Variants in LEKR1 observed in about 807,000 individuals in gnomAD.
LEKR1 encodes the protein protein LEKR1.
In LEKR1, 59 loss-of-function variants were observed where a neutral mutation model predicts 72.4. The ratio of observed to expected loss-of-function variants is 0.82; its 90% CI spans 0.66 to 1.01. The LOEUF (loss-of-function observed/expected upper bound fraction) is 1.01, where lower values mean the gene tolerates loss of function less well. Ranked by LOEUF, LEKR1 falls within the 50% of genes least tolerant of loss-of-function variation. The pLI is 0.00. For missense variants in LEKR1, 728 were observed against 759.2 expected, an observed-to-expected ratio of 0.96 and a Z score of 0.48; for synonymous variants, 257 against 263.2, an observed-to-expected ratio of 0.98 and a Z score of 0.23.
At chr3:156,879,070 G>C (rs1718969107) in intron 3 of LEKR1, among the ~76,000 whole-genome samples, 1 of 152,144 alleles carries the variant, frequency 6.6e-6, no homozygotes, top group Admixed American at 6.5e-5. Flanking sequence ...GTGGGTCACT[G>C]CTGTAAAGAT....
chr3:156,830,718 G>A (rs1269870082), intron 2 of LEKR1, among the ~76,000 whole-genome samples: 1 of 152,084 alleles, frequency 6.6e-6, no homozygotes, highest in African/African-American at 2.4e-5. Flanking sequence ...AGAGAGTGGT[G>A]AAAAGTCTCG....
chr3:156,867,372 C>G (rs1717428720), intron 3 of LEKR1, among the ~76,000 whole-genome samples: 1 of 152,026 alleles, frequency 6.6e-6, no homozygotes, highest in South Asian at 2.1e-4. Flanking sequence ...GAAAATAACT[C>G]ATTTCTATAT....
At chr3:156,930,016 A>G (rs1258225041) in intron 5 of LEKR1, among the ~76,000 whole-genome samples, 1 of 152,186 alleles carries the variant, frequency 6.6e-6, no homozygotes, top group Non-Finnish European at 1.5e-5. Context: ...CTAGAAAGGA[A>G]GATGAAAGGA....
At chr3:157,005,998 CA>C (rs1164417967) in intron 9 of LEKR1, among the ~76,000 whole-genome samples, 4 of 147,096 alleles carry the variant, frequency 2.7e-5, no homozygotes, top group East Asian at 3.9e-4. Context: ...TACTACTATA[CA>C]TTTTTTTTTT....
intron 6 of LEKR1, among the ~76,000 whole-genome samples, chr3:156,963,667 C>T (rs1362145763): frequency 6.6e-6 from 1 of 152,120 alleles, no homozygotes; most frequent in African/African-American, 2.4e-5. Context: ...CATTCACATA[C>T]CACTTGCCAT....
At chr3:156,845,090 T>C (rs549822937) in intron 2 of LEKR1, among the ~76,000 whole-genome samples, 1 of 152,090 alleles carries the variant, frequency 6.6e-6, no homozygotes, top group South Asian at 2.1e-4. Context: ...TCCTAATGGC[T>C]AATGAAATGA....
chr3:157,014,006 A>G (rs1473340016), intron 10 of LEKR1, among the ~76,000 whole-genome samples: 8 of 152,010 alleles, frequency 5.3e-5, no homozygotes, highest in Non-Finnish European at 1.2e-4. Context: ...TAAAATAACT[A>G]CGTATTTACT....
intron 2 of LEKR1, among the ~76,000 whole-genome samples, chr3:156,829,998 T>A (rs916374253): frequency 6.6e-6 from 1 of 152,178 alleles, no homozygotes; most frequent in Non-Finnish European, 1.5e-5. Flanking sequence ...TATGCACAAA[T>A]CTATTATAAA....
chr3:156,925,981 A>C (rs1375551746), intron 4 of LEKR1, among the ~76,000 whole-genome samples: 1 of 152,084 alleles, frequency 6.6e-6, no homozygotes, highest in Admixed American at 6.5e-5. Context: ...TAAGCAAATT[A>C]GGCAATAGAA....
At chr3:156,857,103 T>C (rs1716154035) in intron 3 of LEKR1, among the ~76,000 whole-genome samples, 1 of 152,132 alleles carries the variant, frequency 6.6e-6, no homozygotes, top group Non-Finnish European at 1.5e-5. Flanking sequence ...TTTCTAGTTC[T>C]TTAAGTTTAT....
intron 12 of LEKR1, among the ~76,000 whole-genome samples, chr3:157,035,299 G>A (rs1167851594): frequency 6.6e-6 from 1 of 152,214 alleles, no homozygotes; most frequent in East Asian, 1.9e-4. Flanking sequence ...GGGTGGAATT[G>A]AAAACAAGGC....
intron 6 of LEKR1, among the ~76,000 whole-genome samples, chr3:156,955,440 C>A (rs931096752): frequency 1.3e-5 from 2 of 151,968 alleles, no homozygotes; most frequent in East Asian, 1.9e-4. Flanking sequence ...CAGGGAAATA[C>A]TTCTAGCTTT....
At chr3:156,888,324 A>C in intron 3 of LEKR1, 1 of 702,290 alleles carries the variant, frequency 1.4e-6, no homozygotes, top group Non-Finnish European at 2.6e-6. Flanking sequence ...TCATGCTTAG[A>C]CTGGAAGTAG....
At chr3:157,024,248 A>T (rs558185996) in intron 10 of LEKR1, among the ~76,000 whole-genome samples, 4 of 152,052 alleles carry the variant, frequency 2.6e-5, no homozygotes, top group African/African-American at 7.2e-5. Flanking sequence ...GACATTACTG[A>T]CTCTTTTCCT....
chr3:156,905,737 G>T (rs1372906429), intron 3 of LEKR1, among the ~76,000 whole-genome samples: 2 of 152,136 alleles, frequency 1.3e-5, no homozygotes, highest in Non-Finnish European at 2.9e-5. Flanking sequence ...TTAAAAGGTA[G>T]TTTAATTTTC....
chr3:157,031,044 C>A (rs550271802), intron 12 of LEKR1, among the ~76,000 whole-genome samples: 1 of 152,064 alleles, frequency 6.6e-6, no homozygotes, highest in African/African-American at 2.4e-5. Context: ...AACCCACACT[C>A]GAGGTGAAAT....
chr3:156,900,856 C>G (rs1022265582), intron 3 of LEKR1, among the ~76,000 whole-genome samples: 2 of 152,036 alleles, frequency 1.3e-5, no homozygotes, highest in African/African-American at 2.4e-5. Flanking sequence ...GAAGAGCATA[C>G]AATATCTTGT....
intron 3 of LEKR1, among the ~76,000 whole-genome samples, chr3:156,876,636 A>G (rs767090012): frequency 8.5e-5 from 13 of 152,118 alleles, no homozygotes; most frequent in Non-Finnish European, 1.6e-4. Context: ...CATTGTTGGT[A>G]TATAGCAGTG....
rs1735103363 is a variant in LEKR1 at position 157,038,274 on chromosome 3, T to C, written c.1669-7066T>C. 2.0e-5 allele frequency among the ~76,000 whole-genome samples: 3 copies of C among 152,072 alleles called. 1 individual carries two copies. In the South Asian group the frequency reaches 6.2e-4, roughly 32 times the overall value. ...AGCATAAAAAGGAGTCAAGGATAAC[T>C]CCAAAGCTTGGAATCTCAGCAACTG... is the stretch of plus-strand genomic sequence containing the variant. On this transcript the variant is annotated intron_variant, in intron 12 of 12. Transcript: ENST00000356539.
Sources: allele counts gnomAD v4.1 joint callset (sites outside exome capture counted in the v4.1 genomes callset), GRCh38; gene constraint gnomAD v4.1.1; transcripts MANE v1.5; gene names NCBI Gene and HGNC (gene_info 2026-07-23, HGNC 2026-07-21).